The following PRKACB variants were observed in gnomAD, a reference collection of about 807,000 sequenced individuals.
The protein encoded by PRKACB is cAMP-dependent protein kinase catalytic subunit beta.
In PRKACB, 16 loss-of-function variants were observed where a neutral mutation model predicts 51.4. The observed-to-expected ratio is 0.31, with a 90% confidence interval of 0.21 to 0.47. The LOEUF is 0.47. Ranked by LOEUF, PRKACB falls within the 20% of genes least tolerant of loss-of-function variation. PRKACB has a pLI of 1.00. For synonymous variants in PRKACB, 147 were observed against 154.4 expected (o/e 0.95, Z 0.35); for missense variants, 309 against 464.5 (o/e 0.67, Z 3.08).
intron 1 of PRKACB, among the ~76,000 whole-genome samples, chr1:84,166,546 A>G (rs1657538290): frequency 6.6e-6 from 1 of 151,708 alleles, no homozygotes; most frequent in South Asian, 2.1e-4. Flanking sequence ...TTATACCACA[A>G]ATAATCATAG....
chr1:84,164,561 G>A (rs972597511), intron 1 of PRKACB: 1 of 1,403,988 alleles, frequency 7.1e-7, no homozygotes, highest in East Asian at 2.5e-5. Context: ...TTGTCTGGTG[G>A]ATTAAAGCTT....
At chr1:84,148,447 C>T (rs1313691468) in intron 1 of PRKACB, among the ~76,000 whole-genome samples, 2 of 148,296 alleles carry the variant, frequency 1.3e-5, no homozygotes, top group African/African-American at 4.9e-5. Context: ...ATGTATCTGT[C>T]TCTCATGTTT....
In PRKACB at chr1:84,164,258, A is replaced by G. The variant is rs1200066200; in HGVS notation, c.188-14919A>G. On this transcript the variant is annotated intron_variant, in intron 1 of 9. Transcript: ENST00000370685. ...TGGCTCATGAAAAATGAAAGCTATC[A>G]GCGATCTCGGCAATAAGATTCATCG... The G allele has an allele frequency of 1.2e-5, 17 of 1,455,816 alleles. No homozygotes were observed. In the East Asian group the frequency reaches 4.1e-4, roughly 35 times the overall value. The allele number at this position is 1,455,816 out of a possible 1,614,324, so 90.2% of individuals were successfully genotyped here. A position where few individuals can be genotyped will look rare whatever the true frequency, so the allele number is the denominator to read the frequency against.
At chr1:84,127,378 T>C (rs1651712694) in intron 1 of PRKACB, among the ~76,000 whole-genome samples, 1 of 152,186 alleles carries the variant, frequency 6.6e-6, no homozygotes, top group Admixed American at 6.5e-5. Context: ...AAGCATTTCT[T>C]TGTTGGAAAG....
intron 1 of PRKACB, among the ~76,000 whole-genome samples, chr1:84,106,680 T>A (rs1453473361): frequency 6.6e-6 from 1 of 152,082 alleles, no homozygotes; most frequent in Non-Finnish European, 1.5e-5. Context: ...CCATACTGCC[T>A]AAAGCAATTT....
At chr1:84,149,395 G>A (rs1014834906) in intron 1 of PRKACB, among the ~76,000 whole-genome samples, 1 of 152,034 alleles carries the variant, frequency 6.6e-6, no homozygotes, top group African/African-American at 2.4e-5. Flanking sequence ...AAGTAGCTGG[G>A]ACTATAGGCA....
At chr1:84,206,243 A>G (rs930119194) in intron 8 of PRKACB, among the ~76,000 whole-genome samples, 1 of 152,204 alleles carries the variant, frequency 6.6e-6, no homozygotes, top group African/African-American at 2.4e-5. Context: ...CATGCAACAT[A>G]GAGAAGTATA....
rs1653739915 is a variant in PRKACB at position 84,144,335 on chromosome 1, C to T, written c.-27C>T. ...CTCCTTCTGGAAACATTTGCAGTTA[C>T]ATTAAGTAAAGTGTAAATGCACATG... On this transcript the variant is annotated 5_prime_UTR_variant, in exon 1 of 10. Coordinates refer to ENST00000370685, the MANE Select transcript of PRKACB (RefSeq NM_182948.4). 1 of 1,604,238 alleles carries T rather than the reference C, an allele frequency of 6.2e-7. No individual in the cohort carries two copies. The highest frequency in any genetic ancestry group is 8.5e-7 in the Non-Finnish European group (1 of 1,176,972).
At chr1:84,175,005 A>G in intron 1 of PRKACB, 1 of 1,456,848 alleles carries the variant, frequency 6.9e-7, no homozygotes, top group Middle Eastern at 1.9e-4. Context: ...TAATTTAATC[A>G]TTTTCTAATT....
chr1:84,123,870 A>G (rs776539691), intron 1 of PRKACB, among the ~76,000 whole-genome samples: 4 of 152,190 alleles, frequency 2.6e-5, no homozygotes, highest in Non-Finnish European at 5.9e-5. Context: ...AATGGATTCC[A>G]AAATATTCTA....
At chr1:84,196,562 T>C in intron 5 of PRKACB, 54 bp from the exon 6 acceptor site, 1 of 1,561,762 alleles carries the variant, frequency 6.4e-7, no homozygotes, top group Non-Finnish European at 8.7e-7. Flanking sequence ...AATCTACTAA[T>C]TAGAATGTAT....
chr1:84,126,951 A>G (rs892773489), intron 1 of PRKACB, among the ~76,000 whole-genome samples: 9 of 152,016 alleles, frequency 5.9e-5, no homozygotes, highest in African/African-American at 2.2e-4. Flanking sequence ...GTCCTTAACT[A>G]TTTTTCATGT....
At chr1:84,090,054 G>T in intron 1 of PRKACB, among the ~76,000 whole-genome samples, 1 of 152,320 alleles carries the variant, frequency 6.6e-6, no homozygotes, top group Non-Finnish European at 1.5e-5. Flanking sequence ...AGAGAAAGCT[G>T]CACAGAAGAA....
At chr1:84,191,439 C>T (rs1666763516) in intron 5 of PRKACB, among the ~76,000 whole-genome samples, 1 of 152,006 alleles carries the variant, frequency 6.6e-6, no homozygotes, top group African/African-American at 2.4e-5. Flanking sequence ...CCTGACATTT[C>T]TCTGAAGCTG....
Position 84,214,183 on chromosome 1 carries a change from C to T in PRKACB, c.937C>T (p.Leu313Phe), listed in dbSNP as rs765796329. The change falls in exon 9 of 10, where the codon CTC (leucine) becomes TTC (phenylalanine). Residue 313 changes from leucine to phenylalanine, a missense_variant. Coordinates refer to ENST00000370685, the MANE Select transcript of PRKACB (RefSeq NM_182948.4). ...ATTCCCATCCCACTTCAGTTCAGAT[C>T]TCAAGGACCTTCTACGGAACCTGCT... Reference protein sequence around the residue: ...VRFPSHFSSDLKDLLRNLLQV... With the variant: ...VRFPSHFSSDFKDLLRNLLQV... The T allele has an allele frequency of 1.2e-6, 2 of 1,612,830 alleles. No individual in the cohort carries two copies. The highest frequency in any genetic ancestry group is 8.5e-7 in the Non-Finnish European group (1 of 1,179,546).
rs183172200 is a variant in PRKACB, at chr1:84,080,386, T to A, written c.46+2015T>A. On this transcript the variant is annotated intron_variant, in intron 1 of 8. Transcript: ENST00000370688. The stretch of plus-strand genomic sequence containing the variant: ...ATTTCTATGGATAAATTCTTTTCTA[T>A]GTTTTAAGTGTTAATGACAATCTAG... 2.0e-5 allele frequency among the ~76,000 whole-genome samples: 3 copies of A among 152,366 alleles called. No individual in the cohort carries two copies. The East Asian group carries it at 5.8e-4, about 29-fold the overall frequency.
In PRKACB at chr1:84,090,529, A is replaced by T. The variant is rs138616634; in HGVS notation, c.46+12158A>T. ...TGCTAATAAATCACTGCTATGGTTT[A>T]TGGGGACTAGAAACACATGAAGCCT... is the stretch of plus-strand genomic sequence containing the variant. On this transcript the variant is annotated intron_variant, in intron 1 of 8. Coordinates refer to the PRKACB transcript ENST00000370688. Among the ~76,000 whole-genome samples the T allele has an allele frequency of 5.3e-5, 8 of 152,312 alleles. No homozygotes were observed. The East Asian group carries it at 1.5e-3, about 29-fold the overall frequency.
In PRKACB at chr1:84,196,748, A is replaced by G; in HGVS notation, c.687+6A>G. ...ACCATCAAGGCTATATCCAGGTATG[A>G]CTTTAACACATTATGTGTACTGTAT... On this transcript the variant is annotated splice_donor_region_variant and intron_variant, in intron 6 of 9. Coordinates refer to ENST00000370685, the MANE Select transcript of PRKACB (RefSeq NM_182948.4). 1 of 1,611,006 alleles carries G rather than the reference A, an allele frequency of 6.2e-7. No homozygotes were observed. The highest frequency in any genetic ancestry group is 8.5e-7 in the Non-Finnish European group (1 of 1,177,670).
intron 9 of PRKACB, among the ~76,000 whole-genome samples, chr1:84,226,374 A>T (rs565287921): frequency 1.3e-5 from 2 of 151,824 alleles, no homozygotes; most frequent in South Asian, 2.1e-4. Context: ...TACCATTATG[A>T]ACATGTTGCT....
Sources: gnomAD v4.1 joint callset for allele counts (sites outside exome capture counted in the v4.1 genomes callset) on GRCh38, gnomAD v4.1.1 for gene constraint, MANE v1.5 for transcripts, NCBI Gene and HGNC (gene_info 2026-07-23, HGNC 2026-07-21) for gene names.